GTF2F2: variants seen among roughly 807,000 people sequenced by gnomAD.
GTF2F2 encodes the protein general transcription factor IIF subunit 2.
Under a neutral mutation model 42.2 loss-of-function variants are expected in GTF2F2, and 23 were observed. That is an observed-to-expected ratio of 0.55 (90% CI 0.39 to 0.77). The LOEUF (loss-of-function observed/expected upper bound fraction) is 0.77. Ranked by LOEUF, GTF2F2 falls within the 30% of genes least tolerant of loss-of-function variation. The pLI is 0.00. For synonymous variants in GTF2F2, 105 were observed against 100.8 expected, an observed-to-expected ratio of 1.04 and a Z score of -0.25; for missense variants, 261 against 287.2, an observed-to-expected ratio of 0.91 and a Z score of 0.66.
intron 4 of GTF2F2, among the ~76,000 whole-genome samples, chr13:45,189,772 G>T (rs532270242): frequency 6.6e-6 from 1 of 151,974 alleles, no homozygotes; most frequent in Non-Finnish European, 1.5e-5. Context: ...ATGAGCAAAG[G>T]CCATTGTGGT....
intron 6 of GTF2F2, among the ~76,000 whole-genome samples, chr13:45,265,830 C>T (rs920514992): frequency 6.6e-6 from 1 of 152,092 alleles, no homozygotes; most frequent in African/African-American, 2.4e-5. Flanking sequence ...CCATTGTTTT[C>T]GAAGCTAGTC....
chr13:45,161,766 C>T (rs1032495001), intron 4 of GTF2F2, among the ~76,000 whole-genome samples: 1 of 152,146 alleles, frequency 6.6e-6, no homozygotes, highest in Non-Finnish European at 1.5e-5. Context: ...TCACTTGAAC[C>T]CAGGAGGCAG....
At chr13:45,123,606 G>A (rs1256224764) in intron 1 of GTF2F2, among the ~76,000 whole-genome samples, 4 of 150,402 alleles carry the variant, frequency 2.7e-5, no homozygotes, top group Middle Eastern at 3.4e-3. Context: ...CTCCAGGCTG[G>A]GCTACAGAGT....
At chr13:45,165,806 C>CTTTT (rs5803286) in intron 4 of GTF2F2, among the ~76,000 whole-genome samples, 319 of 88,832 alleles carry the variant, frequency 3.6e-3, no homozygotes, top group Non-Finnish European at 4.5e-3. Context: ...TCAGTACATT[C>CTTTT]TTTTTTTTTT....
chr13:45,134,107 C>T (rs1869497651), intron 1 of GTF2F2, among the ~76,000 whole-genome samples: 1 of 152,156 alleles, frequency 6.6e-6, no homozygotes, highest in Admixed American at 6.6e-5. Context: ...CTTCTTTAAC[C>T]AGTATCCATT....
At chr13:45,180,440 A>T (rs958545277) in intron 4 of GTF2F2, among the ~76,000 whole-genome samples, 1 of 151,914 alleles carries the variant, frequency 6.6e-6, no homozygotes, top group Admixed American at 6.6e-5. Context: ...TTTTTTCCGT[A>T]TGTGTGTGTA....
intron 5 of GTF2F2, among the ~76,000 whole-genome samples, chr13:45,224,269 CTG>C (rs925073401): frequency 2.6e-5 from 4 of 152,194 alleles, no homozygotes; most frequent in Non-Finnish European, 5.9e-5. Context: ...GATTGTGTTA[CTG>C]TCTGTTGCAG....
At chr13:45,220,049 C>G (rs911147190) in intron 5 of GTF2F2, among the ~76,000 whole-genome samples, 2 of 152,224 alleles carry the variant, frequency 1.3e-5, no homozygotes, top group African/African-American at 4.8e-5. Context: ...TTGTCTGATT[C>G]ATTTATGGGT....
intron 5 of GTF2F2, among the ~76,000 whole-genome samples, chr13:45,247,505 G>A (rs1875689438): frequency 1.3e-5 from 2 of 151,766 alleles, no homozygotes; most frequent in South Asian, 4.2e-4. Flanking sequence ...CAATTCTCCT[G>A]CCTCAGCCTC....
intron 5 of GTF2F2, among the ~76,000 whole-genome samples, chr13:45,237,749 T>C (rs888938752): frequency 6.6e-5 from 10 of 152,224 alleles, no homozygotes; most frequent in African/African-American, 1.9e-4. Context: ...CTGTATGCCA[T>C]GAATTTGCTT....
At chr13:45,255,589 T>C (rs1336237548) in intron 6 of GTF2F2, among the ~76,000 whole-genome samples, 1 of 152,220 alleles carries the variant, frequency 6.6e-6, no homozygotes, top group Non-Finnish European at 1.5e-5. Context: ...ATAAATAGAT[T>C]AAAGTCCACA....
chr13:45,254,075 A>G (rs1344839724), intron 6 of GTF2F2, among the ~76,000 whole-genome samples: 2 of 151,888 alleles, frequency 1.3e-5, no homozygotes, highest in Admixed American at 6.6e-5. Flanking sequence ...GTCTCAAAAA[A>G]AAAAAAAAAA....
intron 1 of GTF2F2, among the ~76,000 whole-genome samples, chr13:45,131,641 C>T (rs926428803): frequency 2.0e-5 from 3 of 151,806 alleles, no homozygotes; most frequent in African/African-American, 7.3e-5. Context: ...CACGGTGGCT[C>T]ATGCCTGTAA....
At chr13:45,160,124 G>A (rs1422638663) in intron 4 of GTF2F2, among the ~76,000 whole-genome samples, 1 of 152,106 alleles carries the variant, frequency 6.6e-6, no homozygotes, top group Admixed American at 6.6e-5. Flanking sequence ...TATACATTAT[G>A]TGCTAACATT....
At chr13:45,212,532 T>TTCTTTCTCTCTCTCTCTC (rs1265652338) in intron 5 of GTF2F2, among the ~76,000 whole-genome samples, 1 of 137,700 alleles carries the variant, frequency 7.3e-6, no homozygotes, top group African/African-American at 2.8e-5. Flanking sequence ...CTTTCTCTCT[T>TTCTTTCTCTCTCTCTCTC]TCTCACTTTC....
chr13:45,266,840 A>G (rs1347597452), intron 6 of GTF2F2, among the ~76,000 whole-genome samples: 1 of 152,192 alleles, frequency 6.6e-6, no homozygotes, highest in Non-Finnish European at 1.5e-5. Context: ...TCTAGTCGTT[A>G]ATGGATGACT....
At chr13:45,172,557 T>C (rs1332821143) in intron 4 of GTF2F2, among the ~76,000 whole-genome samples, 1 of 152,226 alleles carries the variant, frequency 6.6e-6, no homozygotes, top group Non-Finnish European at 1.5e-5. Context: ...TATAATCTAA[T>C]GTCTCTTTTT....
At chr13:45,211,837 C>T (rs1051164653) in intron 5 of GTF2F2, among the ~76,000 whole-genome samples, 3 of 152,064 alleles carry the variant, frequency 2.0e-5, no homozygotes, top group South Asian at 2.1e-4. Context: ...CCGCCCACCT[C>T]GGCCTCCCAA....
intron 5 of GTF2F2, among the ~76,000 whole-genome samples, chr13:45,248,065 G>A (rs571361016): frequency 1.5e-3 from 235 of 151,984 alleles, no homozygotes; most frequent in Non-Finnish European, 2.1e-3. Flanking sequence ...GGCTGGTCTC[G>A]AACTCCTGAC....
Sources: allele counts gnomAD v4.1 joint callset (sites outside exome capture counted in the v4.1 genomes callset), GRCh38; gene constraint gnomAD v4.1.1; transcripts MANE v1.5; gene names NCBI Gene and HGNC (gene_info 2026-07-23, HGNC 2026-07-21).